WDR41: variants seen among roughly 807,000 people sequenced by gnomAD.
WDR41 encodes WD repeat-containing protein 41.
In WDR41, 63 loss-of-function variants were observed where a neutral mutation model predicts 69.3. The ratio of observed to expected loss-of-function variants is 0.91; its 90% CI spans 0.74 to 1.12. The LOEUF (loss-of-function observed/expected upper bound fraction) is 1.12. Among genes scored for constraint, WDR41 ranks in the 50% most tolerant of loss-of-function variants. WDR41 has a pLI of 0.00. For synonymous variants in WDR41, 185 were observed against 192.1 expected (o/e 0.96, Z 0.31); for missense variants, 543 against 534.5 (o/e 1.02, Z -0.16).
rs767866573 is a variant in WDR41 at position 77,436,377 on chromosome 5, C to T, written c.1111G>A (p.Gly371Arg). Reference sequence around the variant, plus strand: ...GCTTGTTTGCTGACTCTTCCAAATCCCCACATGTTAAAAAAACCTAGAAAA... The same window carrying T: ...GCTTGTTTGCTGACTCTTCCAAATCTCCACATGTTAAAAAAACCTAGAAAA... ...PVPTGFFNMW[G>R]FGRVSKQASQ... The change falls in exon 12 of 13, where the codon GGA becomes AGA. Residue 371 changes from glycine (G) to arginine (R), a missense_variant. Coordinates refer to ENST00000296679, the MANE Select transcript of WDR41 (RefSeq NM_018268.4). 15 of 1,613,856 alleles carry T rather than the reference C, an allele frequency of 9.3e-6. No homozygotes were observed. The South Asian group carries it at 1.5e-4, about 17-fold the overall frequency.
chr5:77,563,539 A>G lies in WDR41; in HGVS notation c.42+56940T>C, dbSNP rs1018089659. ...TTCCATGGGAAGTTGCCTTCTCAGT[A>G]AAAGGTACATGCAGCTTGCTTTTAT... On this transcript the variant is annotated intron_variant, in intron 1 of 5. Coordinates refer to the WDR41 transcript ENST00000509971. Among the ~76,000 whole-genome samples the G allele has an allele frequency of 1.9e-4, 29 of 152,198 alleles. 1 individual carries two copies. Among genetic ancestry groups the G allele is most frequent in the Non-Finnish European group, 1.5e-5 (1 of 68,028 alleles).
chr5:77,446,535 G>C (rs1054970539), intron 8 of WDR41, among the ~76,000 whole-genome samples: 1 of 152,112 alleles, frequency 6.6e-6, no homozygotes, highest in African/African-American at 2.4e-5. Context: ...ATATTACAAG[G>C]CTACAGTAAC....
At chr5:77,440,790 T>C (rs780546089) in intron 9 of WDR41, 23 bp downstream of exon 9, 6 of 1,611,040 alleles carry the variant, frequency 3.7e-6, no homozygotes, top group African/African-American at 2.7e-5. Flanking sequence ...GGCAAGTTTA[T>C]AGATAGTGTA....
chr5:77,584,222 C>G (rs60372496), intron 1 of WDR41, among the ~76,000 whole-genome samples: 4,144 of 152,048 alleles, frequency 0.027, 165 homozygotes, highest in African/African-American at 0.091. Context: ...CAACATTGTA[C>G]TGGAGGTTAC....
At chr5:77,500,613 C>A (rs1304774267) in intron 1 of WDR41, among the ~76,000 whole-genome samples, 1 of 152,040 alleles carries the variant, frequency 6.6e-6, no homozygotes, top group African/African-American at 2.4e-5. Context: ...TCACAAATTA[C>A]CAAAATCTGT....
At chr5:77,618,549 T>C (rs1402178865) in intron 1 of WDR41, among the ~76,000 whole-genome samples, 1 of 152,058 alleles carries the variant, frequency 6.6e-6, no homozygotes, top group Non-Finnish European at 1.5e-5. Flanking sequence ...ATTTTTGTAT[T>C]TTTAGTAGAG....
At chr5:77,461,834 T>TAA (rs547738918) in intron 4 of WDR41, among the ~76,000 whole-genome samples, 10 of 137,460 alleles carry the variant, frequency 7.3e-5, no homozygotes, top group African/African-American at 2.4e-4. Context: ...AGATTCTGTC[T>TAA]AAAAAAAAAA....
intron 3 of WDR41, 57 bp downstream of exon 3, chr5:77,464,704 A>G (rs1285465746): frequency 1.3e-6 from 2 of 1,537,882 alleles, no homozygotes; most frequent in African/African-American, 2.7e-5. Flanking sequence ...ATATGAATAC[A>G]TACTCAACTA....
upstream of WDR41, among the ~76,000 whole-genome samples, chr5:77,493,495 G>A (rs1299823039): frequency 2.0e-5 from 3 of 152,160 alleles, no homozygotes; most frequent in East Asian, 1.9e-4. Context: ...AGCTAAGTTG[G>A]TTGTGAGCAG....
chr5:77,455,335 C>G (rs2151310842), intron 5 of WDR41, among the ~76,000 whole-genome samples: 1 of 152,102 alleles, frequency 6.6e-6, no homozygotes, highest in African/African-American at 2.4e-5. Flanking sequence ...GGAGTATTTG[C>G]TTTTTTATTG....
intron 5 of WDR41, among the ~76,000 whole-genome samples, chr5:77,458,576 A>G (rs531040318): frequency 4.8e-4 from 73 of 152,272 alleles, no homozygotes; most frequent in African/African-American, 1.6e-3. Flanking sequence ...ATTAGCCCCA[A>G]TTAATAATTG....
intron 11 of WDR41, among the ~76,000 whole-genome samples, chr5:77,436,983 G>A (rs896219017): frequency 2.0e-5 from 3 of 152,150 alleles, no homozygotes; most frequent in African/African-American, 2.4e-5. Context: ...CAAGGGTAAA[G>A]AACACTTTGG....
intron 5 of WDR41, among the ~76,000 whole-genome samples, chr5:77,458,565 C>CATTAG (rs1799923249): frequency 6.6e-6 from 1 of 152,124 alleles, no homozygotes; most frequent in African/African-American, 2.4e-5. Context: ...TCTGTCATAT[C>CATTAG]ATTAGCCCCA....
At chr5:77,492,023 T>G in intron 1 of WDR41, 147 bp downstream of exon 1, 1 of 1,031,208 alleles carries the variant, frequency 9.7e-7, no homozygotes, top group Non-Finnish European at 1.4e-6. Flanking sequence ...GCCCCCACCG[T>G]CGTGAGAACA....
chr5:77,538,811 A>G (rs900436976), intron 1 of WDR41, among the ~76,000 whole-genome samples: 4 of 152,202 alleles, frequency 2.6e-5, no homozygotes, highest in African/African-American at 4.8e-5. Flanking sequence ...GGATAATTAT[A>G]TTGGCCACTC....
At chr5:77,442,894 C>CAGAAAAAAAAAAA (rs1799225606) in intron 8 of WDR41, among the ~76,000 whole-genome samples, 1 of 56,260 alleles carries the variant, frequency 1.8e-5, no homozygotes, top group East Asian at 5.5e-4. Flanking sequence ...TCTGTCTCCC[C>CAGAAAAAAAAAAA]AAAAAAAAAA....
Position 77,596,631 on chromosome 5 carries a change from G to T in WDR41, c.42+23848C>A, listed in dbSNP as rs996885897. 2.0e-5 allele frequency among the ~76,000 whole-genome samples: 3 copies of T among 152,056 alleles called. No individual in the cohort carries two copies. In the South Asian group the frequency reaches 6.2e-4, roughly 32 times the overall value. On this transcript the variant is annotated intron_variant, in intron 1 of 5. Transcript: ENST00000509971. ...CCTGTTTCAGCCTCCCAAGTAGCTGGGGTTACAGGTACCACTACACCTGCC... is the reference window on the plus strand; with the variant it reads ...CCTGTTTCAGCCTCCCAAGTAGCTGTGGTTACAGGTACCACTACACCTGCC...
At chr5:77,583,071 T>A in intron 1 of WDR41, 2 of 1,594,588 alleles carry the variant, frequency 1.3e-6, no homozygotes, top group Non-Finnish European at 1.7e-6. Context: ...AAGGTAGAGA[T>A]GCTGGCAACA....
chr5:77,434,225 C>T (rs1378163573), intron 12 of WDR41, among the ~76,000 whole-genome samples: 3 of 151,936 alleles, frequency 2.0e-5, no homozygotes, highest in Admixed American at 1.3e-4. Context: ...GAAAGAGAAT[C>T]GCTTGAACCC....
Sources: allele counts gnomAD v4.1 joint callset (sites outside exome capture counted in the v4.1 genomes callset), GRCh38; gene constraint gnomAD v4.1.1; transcripts MANE v1.5; gene names NCBI Gene and HGNC (gene_info 2026-07-23, HGNC 2026-07-21).